Variants in ITPR3 observed in about 807,000 individuals in gnomAD.
The protein encoded by ITPR3 is inositol 1,4,5-trisphosphate receptor type 3, also known as inositol 1,4,5-trisphosphate-gated calcium channel ITPR3.
ITPR3 carries 173 observed loss-of-function variants against 293.2 expected under a neutral mutation model. The ratio of observed to expected loss-of-function variants is 0.59; its 90% confidence interval spans 0.52 to 0.67. ITPR3 has a LOEUF of 0.67. Ranked by LOEUF, ITPR3 falls within the 30% of genes least tolerant of loss-of-function variation. ITPR3 has a pLI of 0.00. For synonymous variants in ITPR3, 1,295 were observed against 1,444.4 expected (o/e 0.90, Z 2.35); for missense variants, 2,796 against 3,592.1 (o/e 0.78, Z 5.66).
Position 33,687,579 on chromosome 6 carries a change from C to G in ITPR3, c.6264+15C>G, listed in dbSNP as rs376958468. On this transcript the variant is annotated intron_variant, in intron 46 of 57. Transcript: ENST00000605930. This position sits in a 1 kb window ranked among gnomAD's most constrained non-coding sequence, Gnocchi z 5.3. Reference sequence around the variant, plus strand: ...TCTCTTCCATGGTGGGTGCTGGCCCCGAGACTGGGGTGGGGGTGGGGCCTG... The same window carrying G: ...TCTCTTCCATGGTGGGTGCTGGCCCGGAGACTGGGGTGGGGGTGGGGCCTG... The G allele has an allele frequency of 6.9e-7, 1 of 1,442,322 alleles. No individual in the cohort carries two copies. The highest frequency in any genetic ancestry group is 1.4e-5 in the African/African-American group (1 of 72,976). 89.3% of individuals were successfully genotyped at this position (1,442,322 alleles called of 1,614,324 possible).
chr6:33,680,343 T>C lies in ITPR3; in HGVS notation c.4239T>C (p.Tyr1413=), dbSNP rs1054831307. ...CCACTGCCCAGGTGAAAATGGCCTA[T>C]GTGAACTTCGTGAACCACTGCTACG... is the stretch of plus-strand genomic sequence containing the variant. The part of the protein sequence containing the change: ...EDCITEVKMA[Y]VNFVNHCYVD... Residue 1413 remains tyrosine (Y), a synonymous_variant, in exon 32 of 58, where the codon TAT becomes TAC. Coordinates refer to ENST00000605930, the MANE Select transcript of ITPR3 (RefSeq NM_002224.4). 1 of 1,613,580 alleles carries C rather than the reference T, an allele frequency of 6.2e-7. No homozygotes were observed. Among genetic ancestry groups the C allele is most frequent in the Non-Finnish European group, 8.5e-7 (1 of 1,179,952 alleles).
intron 1 of ITPR3, among the ~76,000 whole-genome samples, chr6:33,635,928 A>G (rs1198505601): frequency 6.6e-6 from 1 of 151,824 alleles, no homozygotes; most frequent in Non-Finnish European, 1.5e-5. Flanking sequence ...CTTTGGTTTT[A>G]TTCTGAGATG....
At chr6:33,693,827 C>T in intron 56 of ITPR3, 122 bp downstream of exon 56, 4 of 1,171,926 alleles carry the variant, frequency 3.4e-6, no homozygotes, top group Middle Eastern at 2.9e-4. Flanking sequence ...AGGAGTGGCC[C>T]TATCTGACTG....
chr6:33,633,698 C>T lies in ITPR3; in HGVS notation c.90-6786C>T, dbSNP rs1326717760. Reference sequence around the variant, plus strand: ...GCTGGCCCTCCCTTGGCGGCGGCGGCGCGTCGTGGGAGACGGCTGCACGTG... The same window carrying T: ...GCTGGCCCTCCCTTGGCGGCGGCGGTGCGTCGTGGGAGACGGCTGCACGTG... On this transcript the variant is annotated intron_variant, in intron 1 of 57. Coordinates refer to ENST00000605930, the MANE Select transcript of ITPR3 (RefSeq NM_002224.4). The surrounding 1 kb of genome is among the most constrained non-coding windows in gnomAD (Gnocchi z 5.2). Among the ~76,000 whole-genome samples, 1 of 148,684 alleles carries T rather than the reference C, an allele frequency of 6.7e-6. No individual in the cohort carries two copies. Among genetic ancestry groups the T allele is most frequent in the Non-Finnish European group, 1.5e-5 (1 of 66,746 alleles).
In ITPR3 at chr6:33,682,694, C is replaced by A; in HGVS notation, c.4597+50C>A. ...GCCCCAAACCACTCCTCCTGCCGCT[C>A]ACAGTGGGGACGCCTGCCCTCCTAA... On this transcript the variant is annotated intron_variant, in intron 34 of 57. Transcript: ENST00000605930. This position sits in a 1 kb window ranked among gnomAD's most constrained non-coding sequence, Gnocchi z 5.4. 2 of 1,560,676 alleles carry A rather than the reference C, an allele frequency of 1.3e-6. No individual in the cohort carries two copies. The highest frequency in any genetic ancestry group is 2.4e-5 in the South Asian group (2 of 82,792).
In ITPR3 at chr6:33,690,090, C is replaced by T. The variant is rs771104117; in HGVS notation, c.6924C>T (p.Ile2308=). The T allele has an allele frequency of 2.4e-5, 39 of 1,614,088 alleles. No individual in the cohort carries two copies. Among genetic ancestry groups the T allele is most frequent in the Non-Finnish European group, 3.3e-5 (39 of 1,180,052 alleles). ...TCGTGGGCAACCGTGGCACCTTCATCCGGGGCTATAAGGCCATGGTCATGG... is the reference window on the plus strand; with the variant it reads ...TCGTGGGCAACCGTGGCACCTTCATTCGGGGCTATAAGGCCATGGTCATGG... ...VSFVGNRGTF[I]RGYKAMVMDM... The change falls in exon 51 of 58, where the codon ATC becomes ATT. Residue 2308 remains isoleucine, a synonymous_variant. Coordinates refer to ENST00000605930, the MANE Select transcript of ITPR3 (RefSeq NM_002224.4).
rs915466189 is a variant in ITPR3 at position 33,667,415 on chromosome 6, A to T, written c.1713+125A>T. 7.8e-7 allele frequency: 1 copy of T among 1,276,172 alleles called. No homozygotes were observed. The highest frequency in any genetic ancestry group is 1.5e-5 in the African/African-American group (1 of 66,758). 79.1% of individuals were successfully genotyped at this position (1,276,172 alleles called of 1,614,324 possible). ...CCTAGGGTCCAGTAGGGCACCAGAC[A>T]GCAGGGCCGGGTTCATGGGAATGGG... On this transcript the variant is annotated intron_variant, in intron 15 of 57. Transcript: ENST00000605930. The surrounding 1 kb of genome is among the most constrained non-coding windows in gnomAD (Gnocchi z 4.4).
chr6:33,672,288 T>A lies in ITPR3; in HGVS notation c.2928+60T>A. On this transcript the variant is annotated intron_variant, in intron 22 of 57. Transcript: ENST00000605930. This position sits in a 1 kb window ranked among gnomAD's most constrained non-coding sequence, Gnocchi z 5.0. Reference sequence around the variant, plus strand: ...TATAGGGGGAGGGTAATGGGGCGGGTACAGGGAGGCTGGGCAGGGCGAACC... The same window carrying A: ...TATAGGGGGAGGGTAATGGGGCGGGAACAGGGAGGCTGGGCAGGGCGAACC... 3.8e-4 allele frequency: 395 copies of A among 1,040,734 alleles called. No individual in the cohort carries two copies. The highest frequency in any genetic ancestry group is 5.4e-4 in the Non-Finnish European group (364 of 676,688). The allele number at this position is 1,040,734 out of a possible 1,614,324, so 64.5% of individuals were successfully genotyped here.
intron 2 of ITPR3, among the ~76,000 whole-genome samples, chr6:33,647,905 G>T (rs768384168): frequency 1.3e-5 from 2 of 152,140 alleles, no homozygotes; most frequent in Non-Finnish European, 2.9e-5. Flanking sequence ...GGCAGAGGGC[G>T]GGAGCTCGGT....
At chr6:33,688,194 C>A in intron 47 of ITPR3, 27 bp downstream of exon 47, 1 of 1,613,818 alleles carries the variant, frequency 6.2e-7, no homozygotes, top group South Asian at 1.1e-5. Context: ...CAGGGGCGGG[C>A]GTGGGAGCCT....
Position 33,629,624 on chromosome 6 carries a change from G to A in ITPR3, c.89+7933G>A, listed in dbSNP as rs555132708. On this transcript the variant is annotated intron_variant, in intron 1 of 57. Transcript: ENST00000605930. ...GCCTCCAGAGTAGCTGGGATTACCA[G>A]TGCCAGCCACCACGCCCAGCTAATT... Among the ~76,000 whole-genome samples, 140 of 152,110 alleles carry A rather than the reference G, an allele frequency of 9.2e-4. 2 individuals are homozygous for A. The highest frequency in any genetic ancestry group is 3.2e-3 in the African/African-American group (131 of 41,528).
chr6:33,687,490 A>C lies in ITPR3; in HGVS notation c.6190A>C (p.Asn2064His), dbSNP rs566442396. 1.9e-6 allele frequency: 3 copies of C among 1,611,858 alleles called. No homozygotes were observed. The South Asian group carries it at 3.3e-5, about 18-fold the overall frequency. ...YILALQLSRH[N>H]KQLQHLLKPV... ...CCATTTCCCTCAGCTCTCCAGGCAC[A>C]ATAAACAGCTGCAGCACCTGCTGAA... Residue 2064 changes from asparagine to histidine, a missense_variant, in exon 46 of 58, where the codon AAT becomes CAT. This residue lies in a region of ITPR3 where 704 missense variants were observed against 797.5 expected (regional missense o/e 0.88). Transcript: ENST00000605930. The surrounding 1 kb of genome is among the most constrained non-coding windows in gnomAD (Gnocchi z 5.3).
In ITPR3 at chr6:33,686,523, G is replaced by C. The variant is rs1451288589; in HGVS notation, c.5979+4G>C. Reference sequence around the variant, plus strand: ...GGATCTGGTGCTGCAGCTCAAGGTGGGGCCCAGTGGCAGGTGTGTGAGTGC... The same window carrying C: ...GGATCTGGTGCTGCAGCTCAAGGTGCGGCCCAGTGGCAGGTGTGTGAGTGC... On this transcript the variant is annotated splice_donor_region_variant and intron_variant, in intron 43 of 57. Transcript: ENST00000605930. The C allele has an allele frequency of 6.2e-7, 1 of 1,609,986 alleles. No homozygotes were observed. Among genetic ancestry groups the C allele is most frequent in the Admixed American group, 1.7e-5 (1 of 60,016 alleles).
chr6:33,647,333 C>T (rs1764091771), intron 2 of ITPR3, among the ~76,000 whole-genome samples: 1 of 152,152 alleles, frequency 6.6e-6, no homozygotes, highest in Non-Finnish European at 1.5e-5. Flanking sequence ...GCAAAAGTCA[C>T]TTATTTTTAA....
At position 33,640,499 on chromosome 6, in the gene ITPR3, C is replaced by T; in HGVS notation, c.105C>T (p.Arg35=). ...TGTTCCCCAGGCTGGTGGATGACCG[C>T]TGTGTGGTGGAGCCCGCGGCCGGGG... ...FISTLGLVDD[R]CVVEPAAGDL... Residue 35 remains arginine, a synonymous_variant, in exon 2 of 58, where the codon CGC becomes CGT. Transcript: ENST00000605930. 6.2e-7 allele frequency: 1 copy of T among 1,613,644 alleles called. No homozygotes were observed. Among genetic ancestry groups the T allele is most frequent in the Non-Finnish European group, 8.5e-7 (1 of 1,179,772 alleles).
rs538520679 is a variant in ITPR3, at chr6:33,693,631, T to G, written c.7711T>G (p.Phe2571Val). 4.3e-6 allele frequency: 7 copies of G among 1,614,238 alleles called. No individual in the cohort carries two copies. In the East Asian group the frequency reaches 1.6e-4, roughly 36 times the overall value. The change falls in exon 56 of 58, where the codon TTC (phenylalanine) becomes GTC (valine). Residue 2571 changes from phenylalanine to valine, a missense_variant. Transcript: ENST00000605930. ...GCACAACATGTGGAACTACTTGTACTTCATTGTGCTGGTCCGCGTGAAGAA... is the reference window on the plus strand; with the variant it reads ...GCACAACATGTGGAACTACTTGTACGTCATTGTGCTGGTCCGCGTGAAGAA... ...LEHNMWNYLY[F>V]IVLVRVKNKT...
intron 50 of ITPR3, 73 bp from the exon 51 acceptor site, chr6:33,689,961 C>A: frequency 6.4e-7 from 1 of 1,555,308 alleles, no homozygotes; most frequent in Non-Finnish European, 8.8e-7. Flanking sequence ...CTGAGCTGGG[C>A]ACTGGGGGAC....
At chr6:33,637,990 TTTTTGTTTTG>T (rs1166937750) in intron 1 of ITPR3, among the ~76,000 whole-genome samples, 5 of 150,586 alleles carry the variant, frequency 3.3e-5, no homozygotes, top group East Asian at 2.0e-4. Context: ...CTAGGCACGT[TTTTTGTTTTG>T]TTTTGTTTTG....
At position 33,677,495 on chromosome 6, in the gene ITPR3, C is replaced by T. The variant is rs575866990; in HGVS notation, c.3523-9C>T. On this transcript the variant is annotated splice_polypyrimidine_tract_variant and intron_variant, in intron 27 of 57. Coordinates refer to ENST00000605930, the MANE Select transcript of ITPR3 (RefSeq NM_002224.4). ...GGAAGGGGCTCTGGCTCACCCGCCT[C>T]CCCTGCAGATCCTGGAAAGGCTGAA... The T allele has an allele frequency of 3.7e-6, 6 of 1,613,698 alleles. No homozygotes were observed. In the East Asian group the frequency reaches 1.3e-4, roughly 36 times the overall value.
Sources: gnomAD v4.1 joint callset for allele counts (sites outside exome capture counted in the v4.1 genomes callset) on GRCh38, gnomAD v4.1.1 for gene constraint, gnomAD v4.1.1 regional missense constraint, Gnocchi (gnomAD v3.1) non-coding constraint, MANE v1.5 for transcripts, NCBI Gene and HGNC (gene_info 2026-07-23, HGNC 2026-07-21) for gene names.